TMTC1: variants seen among roughly 807,000 people sequenced by gnomAD.
The protein encoded by TMTC1 is transmembrane O-mannosyltransferase targeting cadherins 1, also known as protein O-mannosyl-transferase TMTC1.
TMTC1 carries 73 observed loss-of-function variants against 104.8 expected under a neutral mutation model. The ratio of observed to expected loss-of-function variants is 0.70; its 90% confidence interval spans 0.58 to 0.85. The LOEUF (loss-of-function observed/expected upper bound fraction) is 0.85. TMTC1 is among the 40% of genes least tolerant of loss of function. The pLI is 0.00. For missense variants in TMTC1, 1,035 were observed against 1,096.1 expected, an observed-to-expected ratio of 0.94 and a Z score of 0.79; for synonymous variants, 434 against 428.7, an observed-to-expected ratio of 1.01 and a Z score of -0.15.
At chr12:29,597,198 T>TTTTC (rs1565697437) in intron 7 of TMTC1, among the ~76,000 whole-genome samples, 1 of 151,608 alleles carries the variant, frequency 6.6e-6, no homozygotes, top group African/African-American at 2.4e-5. Context: ...GTGAACTTTT[T>TTTTC]TTTTCTTTTC....
At chr12:29,695,662 C>T (rs887541291) in intron 5 of TMTC1, among the ~76,000 whole-genome samples, 11 of 151,698 alleles carry the variant, frequency 7.3e-5, no homozygotes, top group Non-Finnish European at 1.5e-4. Context: ...CTACTTAATA[C>T]ATTACGATAT....
intron 16 of TMTC1, among the ~76,000 whole-genome samples, chr12:29,513,973 G>A (rs1943911728): frequency 6.6e-6 from 1 of 152,136 alleles, no homozygotes. Flanking sequence ...GTACCTTCAT[G>A]AGACAGTCCA....
intron 5 of TMTC1, among the ~76,000 whole-genome samples, chr12:29,682,919 G>T (rs1233373917): frequency 1.3e-5 from 2 of 152,174 alleles, no homozygotes; most frequent in Admixed American, 6.5e-5. Context: ...TCCTGGTTAT[G>T]ATATTGTACT....
chr12:29,691,793 C>T (rs1330687020), intron 5 of TMTC1, among the ~76,000 whole-genome samples: 3 of 142,384 alleles, frequency 2.1e-5, no homozygotes, highest in Non-Finnish European at 4.6e-5. Flanking sequence ...AGTGAGTGTG[C>T]TGTACAAATA....
chr12:29,578,641 T>C (rs528585652), intron 8 of TMTC1, among the ~76,000 whole-genome samples: 181 of 152,322 alleles, frequency 1.2e-3, no homozygotes, highest in African/African-American at 4.2e-3. Flanking sequence ...ACACCTTTTA[T>C]TGTGGAAGAC....
intron 5 of TMTC1, among the ~76,000 whole-genome samples, chr12:29,690,020 C>T (rs1941218594): frequency 6.6e-6 from 1 of 152,194 alleles, no homozygotes; most frequent in Admixed American, 6.5e-5. Flanking sequence ...TGTATCTGTG[C>T]TGACTCTGTT....
At chr12:29,602,056 G>A (rs1433751597) in intron 7 of TMTC1, among the ~76,000 whole-genome samples, 3 of 151,818 alleles carry the variant, frequency 2.0e-5, no homozygotes, top group African/African-American at 2.4e-5. Flanking sequence ...GGATGGTTTC[G>A]ATCTCCTGAC....
intron 5 of TMTC1, among the ~76,000 whole-genome samples, chr12:29,697,881 CA>C (rs1424499182): frequency 1.3e-5 from 2 of 151,978 alleles, no homozygotes; most frequent in Admixed American, 6.5e-5. Context: ...TACTCCCAAC[CA>C]AAAAAAGAAG....
rs139783025 is a variant in TMTC1, at chr12:29,543,059, G to A, written c.1677-6742C>T. On this transcript the variant is annotated intron_variant, in intron 10 of 17. Coordinates refer to ENST00000539277, the MANE Select transcript of TMTC1 (RefSeq NM_001193451.2). ...AAAAATTCCCGAGAATGTGTTCCTGGGACCAGTGACATCATCATTAATTTC... is the reference window on the plus strand; with the variant it reads ...AAAAATTCCCGAGAATGTGTTCCTGAGACCAGTGACATCATCATTAATTTC... 3.9e-5 allele frequency among the ~76,000 whole-genome samples: 6 copies of A among 152,184 alleles called. No homozygotes were observed. The East Asian group carries it at 1.2e-3, about 29-fold the overall frequency.
intron 5 of TMTC1, among the ~76,000 whole-genome samples, chr12:29,745,878 C>G (rs1942943589): frequency 6.6e-6 from 1 of 152,072 alleles, no homozygotes; most frequent in Admixed American, 6.6e-5. Flanking sequence ...CTGGAAATAA[C>G]TCACAGTGAT....
chr12:29,755,678 C>T lies in TMTC1; in HGVS notation c.731+31G>A, dbSNP rs758187998. On this transcript the variant is annotated intron_variant, in intron 4 of 17. Transcript: ENST00000539277. ...TAATTTTTCTCTGCCCATGACATGCCATTTGATATCAAAACTGTAAAATGA... is the reference window on the plus strand; with the variant it reads ...TAATTTTTCTCTGCCCATGACATGCTATTTGATATCAAAACTGTAAAATGA... 43 of 1,594,862 alleles carry T rather than the reference C, an allele frequency of 2.7e-5. No individual in the cohort carries two copies. The South Asian group carries it at 4.2e-4, about 15-fold the overall frequency.
intron 5 of TMTC1, among the ~76,000 whole-genome samples, chr12:29,685,464 T>G (rs1189535656): frequency 6.6e-6 from 1 of 152,070 alleles, no homozygotes; most frequent in East Asian, 1.9e-4. Flanking sequence ...GATTGAGTTT[T>G]GCTTTGCTAC....
chr12:29,768,062 A>C lies in TMTC1; in HGVS notation c.316T>G (p.Leu106Val). ...AAGTAGAATGGGTTCATACCAGTCAAAAATATGTTTAGCCTGTAAAACAAA... is the reference window on the plus strand; with the variant it reads ...AAGTAGAATGGGTTCATACCAGTCACAAATATGTTTAGCCTGTAAAACAAA... The part of the protein sequence containing the change: ...CVLTFKLNIF[L>V]TGMNPFYFHA... Residue 106 changes from leucine (L) to valine (V), a missense_variant, in exon 2 of 18, where the codon TTG (leucine) becomes GTG (valine). Transcript: ENST00000539277. The C allele has an allele frequency of 6.2e-7, 1 of 1,601,968 alleles. No homozygotes were observed. The highest frequency in any genetic ancestry group is 8.5e-7 in the Non-Finnish European group (1 of 1,174,728).
Position 29,545,354 on chromosome 12 carries a change from T to C in TMTC1, c.1677-9037A>G, listed in dbSNP as rs143178516. Among the ~76,000 whole-genome samples, 47 of 152,286 alleles carry C rather than the reference T, an allele frequency of 3.1e-4. 1 individual carries two copies. The East Asian group carries it at 8.5e-3, about 27-fold the overall frequency. ...GTTCTCACCCTTTGTTTTAAAGAGA[T>C]GGAGGCCGGGCACAATGGCTCACGC... On this transcript the variant is annotated intron_variant, in intron 10 of 17. Transcript: ENST00000539277.
At chr12:29,663,125 C>T (rs1469502833) in intron 5 of TMTC1, among the ~76,000 whole-genome samples, 1 of 152,158 alleles carries the variant, frequency 6.6e-6, no homozygotes, top group Non-Finnish European at 1.5e-5. Flanking sequence ...TCCTTGACTT[C>T]GATCTTTAGT....
chr12:29,501,627 A>G lies in TMTC1; in HGVS notation c.*5219T>C, dbSNP rs1943596636. The G allele has an allele frequency of 2.0e-5, 3 of 152,270 alleles. No homozygotes were observed. The highest frequency in any genetic ancestry group is 7.2e-5 in the African/African-American group (3 of 41,548). The allele number at this position is 152,270 out of a possible 1,614,324, so 9.4% of individuals were successfully genotyped here. On this transcript the variant is annotated 3_prime_UTR_variant, in exon 18 of 18. Transcript: ENST00000539277. ...AAACTACCAAATTTGTTACATATAT[A>G]TATATACAACGTGTACTACTGAGAA...
intron 5 of TMTC1, among the ~76,000 whole-genome samples, chr12:29,672,489 C>G (rs894152975): frequency 6.6e-6 from 1 of 152,184 alleles, no homozygotes; most frequent in Non-Finnish European, 1.5e-5. Flanking sequence ...ACCTCACTTT[C>G]TATCCCACCT....
intron 5 of TMTC1, among the ~76,000 whole-genome samples, chr12:29,656,492 T>C (rs1939766856): frequency 6.6e-6 from 1 of 151,772 alleles, no homozygotes; most frequent in African/African-American, 2.4e-5. Flanking sequence ...GTAGCTGGGA[T>C]TACAGGCGCC....
Position 29,530,691 on chromosome 12 carries a change from C to T in TMTC1, c.1785+5518G>A, listed in dbSNP as rs150427209. 6.3e-3 allele frequency among the ~76,000 whole-genome samples: 958 copies of T among 152,278 alleles called. 3 individuals carry two copies. The highest frequency in any genetic ancestry group is 8.4e-3 in the Non-Finnish European group (569 of 68,016). ...TCAAAGCACCTGCTTTTGCTTTCTG[C>T]GGGAGGCTATGCTTCCCAGCCTGCA... On this transcript the variant is annotated intron_variant, in intron 11 of 17. Coordinates refer to ENST00000539277, the MANE Select transcript of TMTC1 (RefSeq NM_001193451.2).
Sources: allele counts gnomAD v4.1 joint callset (sites outside exome capture counted in the v4.1 genomes callset), GRCh38; gene constraint gnomAD v4.1.1; transcripts MANE v1.5; gene names NCBI Gene and HGNC (gene_info 2026-07-23, HGNC 2026-07-21).